Variants in SORCS1 observed in about 807,000 individuals in gnomAD.
The protein encoded by SORCS1 is sortilin related VPS10 domain containing receptor 1.
A neutral mutation model predicts 146.1 loss-of-function variants in SORCS1; 60 were observed. The observed-to-expected ratio is 0.41, with a 90% CI of 0.33 to 0.51. The LOEUF is 0.51. Among genes scored for constraint, SORCS1 ranks in the 20% least tolerant of loss-of-function variants. SORCS1 has a pLI of 0.21. For missense variants in SORCS1, 1,352 were observed against 1,487.6 expected (o/e 0.91, Z 1.50); for synonymous variants, 637 against 584.0 (o/e 1.09, Z -1.31).
In SORCS1 at chr10:106,681,611, A is replaced by G. The variant is rs1852439148; in HGVS notation, c.1561-1877T>C. Among the ~76,000 whole-genome samples the G allele has an allele frequency of 2.6e-5, 4 of 152,168 alleles. 1 individual carries two copies. In the South Asian group the frequency reaches 8.3e-4, roughly 32 times the overall value. ...ACATAATCTGAATAATGTTGTGAGC[A>G]TCTGTATGGCATTCCAAGAAGTAGA... is the stretch of plus-strand genomic sequence containing the variant. On this transcript the variant is annotated intron_variant, in intron 10 of 25. Coordinates refer to ENST00000263054, the MANE Select transcript of SORCS1 (RefSeq NM_052918.5).
chr10:106,597,545 CAAT>C (rs1361731127), intron 23 of SORCS1, 95 bp from the exon 24 acceptor site: 15 of 873,516 alleles, frequency 1.7e-5, no homozygotes, highest in Non-Finnish European at 2.8e-5. Context: ...CAAGGTATCA[CAAT>C]ATTATACCCG....
chr10:106,617,857 A>T (rs775236585), intron 21 of SORCS1, among the ~76,000 whole-genome samples: 43 of 152,194 alleles, frequency 2.8e-4, no homozygotes, highest in Non-Finnish European at 4.4e-4. Flanking sequence ...ATTACTAACA[A>T]TCTAAGTGAA....
At chr10:107,056,658 C>A (rs1020939329) in intron 1 of SORCS1, among the ~76,000 whole-genome samples, 2 of 152,150 alleles carry the variant, frequency 1.3e-5, no homozygotes, top group Non-Finnish European at 2.9e-5. Flanking sequence ...CTCACTCAAC[C>A]ACTTATAAGT....
At chr10:107,045,222 A>G (rs1959266471) in intron 1 of SORCS1, among the ~76,000 whole-genome samples, 1 of 152,178 alleles carries the variant, frequency 6.6e-6, no homozygotes, top group African/African-American at 2.4e-5. Context: ...CATAAGATTT[A>G]CATACATCAA....
At chr10:106,832,175 T>C (rs149471438) in intron 2 of SORCS1, among the ~76,000 whole-genome samples, 1 of 147,112 alleles carries the variant, frequency 6.8e-6, no homozygotes, top group African/African-American at 2.6e-5. Context: ...GTCCACTTTG[T>C]TTTCGCTTTT....
At chr10:106,790,649 C>T (rs1478369012) in intron 3 of SORCS1, among the ~76,000 whole-genome samples, 1 of 152,060 alleles carries the variant, frequency 6.6e-6, no homozygotes, top group Non-Finnish European at 1.5e-5. Context: ...TTCAATTGAC[C>T]AGAAAGGTCA....
intron 3 of SORCS1, among the ~76,000 whole-genome samples, chr10:106,779,431 T>C (rs1287338521): frequency 6.6e-6 from 1 of 152,196 alleles, no homozygotes; most frequent in African/African-American, 2.4e-5. Context: ...ACCCTATCAT[T>C]GCAAGTTAAA....
chr10:106,718,301 C>G (rs975769144), intron 6 of SORCS1, among the ~76,000 whole-genome samples: 8 of 152,196 alleles, frequency 5.3e-5, no homozygotes, highest in African/African-American at 1.9e-4. Context: ...AACTGAGAAG[C>G]ACATCACATA....
intron 1 of SORCS1, among the ~76,000 whole-genome samples, chr10:107,039,036 T>G (rs1483138558): frequency 2.0e-5 from 3 of 152,072 alleles, no homozygotes; most frequent in East Asian, 1.9e-4. Flanking sequence ...AAGGATGACT[T>G]TCTTTGTAAA....
chr10:106,803,198 T>A (rs1946997694), intron 3 of SORCS1, among the ~76,000 whole-genome samples: 1 of 152,128 alleles, frequency 6.6e-6, no homozygotes, highest in Admixed American at 6.5e-5. Context: ...ATAAGAAACT[T>A]AACCAATGTA....
In SORCS1 at chr10:106,671,379, G is replaced by A; in HGVS notation, c.2059-12C>T. On this transcript the variant is annotated splice_polypyrimidine_tract_variant and intron_variant, in intron 15 of 25. Coordinates refer to ENST00000263054, the MANE Select transcript of SORCS1 (RefSeq NM_052918.5). ...ATACATGCTTCCCCCTGTAAGCAGAGAAGGATCACAGATACTTGGGCACAT... is the reference window on the plus strand; with the variant it reads ...ATACATGCTTCCCCCTGTAAGCAGAAAAGGATCACAGATACTTGGGCACAT... 6.2e-7 allele frequency: 1 copy of A among 1,613,924 alleles called. No homozygotes were observed. The highest frequency in any genetic ancestry group is 8.5e-7 in the Non-Finnish European group (1 of 1,179,908).
upstream of SORCS1, among the ~76,000 whole-genome samples, chr10:107,165,173 T>C (rs1214711663): frequency 6.6e-6 from 1 of 152,150 alleles, no homozygotes; most frequent in African/African-American, 2.4e-5. This position sits in a 1 kb window ranked among gnomAD's most constrained non-coding sequence, Gnocchi z 4.0. Flanking sequence ...TTCCCTCTCT[T>C]ATGCTTCCTG....
chr10:106,853,468 C>T (rs1386130083), intron 2 of SORCS1, among the ~76,000 whole-genome samples: 1 of 150,880 alleles, frequency 6.6e-6, no homozygotes, highest in Non-Finnish European at 1.5e-5. Flanking sequence ...TTGATTTATG[C>T]TCTAATTTTT....
intron 1 of SORCS1, among the ~76,000 whole-genome samples, chr10:107,068,785 G>T (rs1962150500): frequency 6.6e-6 from 1 of 151,390 alleles, no homozygotes; most frequent in Admixed American, 6.6e-5. Flanking sequence ...CAGGAGAATG[G>T]TGTGAACCTG....
intron 1 of SORCS1, among the ~76,000 whole-genome samples, chr10:107,067,262 T>C (rs1299408511): frequency 6.6e-6 from 1 of 151,864 alleles, no homozygotes; most frequent in African/African-American, 2.4e-5. Context: ...AATCCAAACC[T>C]TAGGAAAAAG....
intron 2 of SORCS1, among the ~76,000 whole-genome samples, chr10:106,885,742 T>G (rs1014597575): frequency 6.6e-6 from 1 of 152,172 alleles, no homozygotes; most frequent in African/African-American, 2.4e-5. Flanking sequence ...AATTCCCATG[T>G]CTTATGGGAG....
At chr10:106,752,170 A>G (rs111292407) in intron 5 of SORCS1, among the ~76,000 whole-genome samples, 2,893 of 152,302 alleles carry the variant, frequency 0.019, 37 homozygotes, top group Middle Eastern at 0.034. Flanking sequence ...TTTCCTACCA[A>G]TCACATATAT....
intron 2 of SORCS1, among the ~76,000 whole-genome samples, chr10:106,934,345 T>A (rs889143452): frequency 1.3e-5 from 2 of 151,870 alleles, no homozygotes; most frequent in African/African-American, 4.8e-5. Flanking sequence ...GCGAGCTCGG[T>A]CTCCGGGGTT....
At chr10:106,700,415 A>C (rs1854048662) in intron 8 of SORCS1, among the ~76,000 whole-genome samples, 1 of 152,164 alleles carries the variant, frequency 6.6e-6, no homozygotes, top group South Asian at 2.1e-4. Context: ...ACTTCCAAAA[A>C]CCAAAAAAAT....
Sources: allele counts gnomAD v4.1 joint callset (sites outside exome capture counted in the v4.1 genomes callset), GRCh38; gene constraint gnomAD v4.1.1; non-coding constraint Gnocchi (gnomAD v3.1); transcripts MANE v1.5; gene names NCBI Gene and HGNC (gene_info 2026-07-23, HGNC 2026-07-21).